The following FAM13A variants were observed in gnomAD, a reference collection of about 807,000 sequenced individuals.
FAM13A encodes the protein family with sequence similarity 13 member A.
In FAM13A, 76 loss-of-function variants were observed where a neutral mutation model predicts 129.6. The ratio of observed to expected loss-of-function variants is 0.59; its 90% CI spans 0.49 to 0.71. The LOEUF (loss-of-function observed/expected upper bound fraction) is 0.71, where lower values mean the gene tolerates loss of function less well. FAM13A is among the 30% of genes least tolerant of loss of function. The pLI is 0.00. For synonymous variants in FAM13A, 443 were observed against 449.9 expected (o/e 0.98, Z 0.20); for missense variants, 1,108 against 1,249.3 (o/e 0.89, Z 1.70).
chr4:88,781,412 T>TCTAA, intron 10 of FAM13A, 61 bp from the exon 11 acceptor site: 1 of 1,167,748 alleles, frequency 8.6e-7, no homozygotes, highest in East Asian at 2.4e-5. Context: ...TGAATGATAC[T>TCTAA]CTAACTACAT....
At chr4:88,784,778 A>G (rs1049001446) in intron 10 of FAM13A, among the ~76,000 whole-genome samples, 2 of 152,130 alleles carry the variant, frequency 1.3e-5, no homozygotes, top group Non-Finnish European at 2.9e-5. Flanking sequence ...TCAAACATAT[A>G]CAGAAGTAGA....
intron 3 of FAM13A, among the ~76,000 whole-genome samples, chr4:89,019,850 A>C (rs181429977): frequency 2.0e-5 from 3 of 152,272 alleles, no homozygotes; most frequent in East Asian, 3.9e-4. Flanking sequence ...CGAAATGAAC[A>C]AAATTATTTT....
intron 14 of FAM13A, chr4:88,753,702 A>T (rs1330282038): frequency 1.8e-5 from 11 of 619,546 alleles, no homozygotes; most frequent in Non-Finnish European, 2.2e-5. Flanking sequence ...ATAAAATGAC[A>T]TGTAATACAC....
At chr4:88,914,997 T>A (rs959898571) in intron 5 of FAM13A, among the ~76,000 whole-genome samples, 2 of 152,162 alleles carry the variant, frequency 1.3e-5, no homozygotes, top group Non-Finnish European at 2.9e-5. Context: ...TGTGCTGGGG[T>A]CAAACTCACA....
chr4:88,920,514 T>C lies in FAM13A; in HGVS notation c.760-14052A>G, dbSNP rs370859663. Among the ~76,000 whole-genome samples the C allele has an allele frequency of 2.3e-3, 347 of 151,654 alleles. 3 individuals carry two copies. The highest frequency in any genetic ancestry group is 3.6e-3 in the Non-Finnish European group (245 of 67,910). On this transcript the variant is annotated intron_variant, in intron 5 of 23. Coordinates refer to ENST00000264344, the MANE Select transcript of FAM13A (RefSeq NM_014883.4). ...TCCTGTCTGTTAGAAGGAAAACTAA[T>C]AAACAGAAAGGACATCCACACCAAA...
rs752723584 is a variant in FAM13A at position 88,747,033 on chromosome 4, T to C, written c.2383-18A>G. 86 of 1,526,714 alleles carry C rather than the reference T, an allele frequency of 5.6e-5. No homozygotes were observed. The highest frequency in any genetic ancestry group is 7.3e-5 in the Non-Finnish European group (81 of 1,102,702). 94.6% of individuals were successfully genotyped at this position (1,526,714 alleles called of 1,614,324 possible). Reference sequence around the variant, plus strand: ...GTCATATCCTGTATAAACACAGGGATAGAGAATTGAAAGAGAGGAAAATGT... The same window carrying C: ...GTCATATCCTGTATAAACACAGGGACAGAGAATTGAAAGAGAGGAAAATGT... On this transcript the variant is annotated intron_variant, in intron 18 of 23. Transcript: ENST00000264344.
At chr4:88,993,203 T>C (rs919659163) in intron 3 of FAM13A, among the ~76,000 whole-genome samples, 12 of 152,322 alleles carry the variant, frequency 7.9e-5, no homozygotes, top group African/African-American at 2.6e-4. Flanking sequence ...ATATATAAGA[T>C]AATGAAATAA....
chr4:88,758,843 T>C lies in FAM13A; in HGVS notation c.1637A>G (p.Asn546Ser), dbSNP rs1363711713. 1 of 1,614,026 alleles carries C rather than the reference T, an allele frequency of 6.2e-7. No homozygotes were observed. Among genetic ancestry groups the C allele is most frequent in the Non-Finnish European group, 8.5e-7 (1 of 1,179,920 alleles). The change falls in exon 14 of 24, where the codon AAT becomes AGT. Residue 546 changes from asparagine (N) to serine (S), a missense_variant. By Grantham distance (46) the Asn-to-Ser change is conservative. Around this residue, in one of 3 missense-constraint regions of FAM13A, gnomAD observed 529 missense variants for 621.2 expected, o/e 0.85. Coordinates refer to ENST00000264344, the MANE Select transcript of FAM13A (RefSeq NM_014883.4). The part of the protein sequence containing the change: ...PSLSDTKQQR[N>S]QDAGDQEESF... ...CTCCTCCTGGTCACCGGCATCTTGA[T>C]TTCTCTGCTGTTTGGTGTCAGATAG...
chr4:88,833,256 G>T (rs894851020), intron 7 of FAM13A, among the ~76,000 whole-genome samples: 4 of 152,104 alleles, frequency 2.6e-5, no homozygotes, highest in African/African-American at 9.7e-5. Flanking sequence ...AGGAAAAACA[G>T]CTAATGCACA....
chr4:88,967,601 A>C (rs953929979), intron 4 of FAM13A, among the ~76,000 whole-genome samples: 2 of 152,174 alleles, frequency 1.3e-5, no homozygotes, highest in African/African-American at 4.8e-5. Context: ...GCTTAAGGAG[A>C]GTAGCCTTAT....
intron 4 of FAM13A, among the ~76,000 whole-genome samples, chr4:88,970,063 A>T (rs1759866658): frequency 6.6e-6 from 1 of 152,240 alleles, no homozygotes; most frequent in Non-Finnish European, 1.5e-5. Context: ...AGTGCTGGTC[A>T]TAGAGAAGGC....
At chr4:88,809,277 C>T (rs1578760951) in intron 7 of FAM13A, among the ~76,000 whole-genome samples, 2 of 152,274 alleles carry the variant, frequency 1.3e-5, no homozygotes, top group African/African-American at 4.8e-5. Context: ...CCATTCCATT[C>T]CCTTTTTAAC....
At position 88,955,524 on chromosome 4, in the gene FAM13A, A is replaced by G. The variant is rs543431658; in HGVS notation, c.606-17283T>C. On this transcript the variant is annotated intron_variant, in intron 4 of 23. Transcript: ENST00000264344. The stretch of plus-strand genomic sequence containing the variant: ...GCGCTGCTGTAAAGATACCCAAAAA[A>G]TGTGAATGTGACTTTGGAATTGGTA... Among the ~76,000 whole-genome samples, 7 of 152,308 alleles carry G rather than the reference A, an allele frequency of 4.6e-5. No individual in the cohort carries two copies. The East Asian group carries it at 1.3e-3, about 29-fold the overall frequency.
In FAM13A at chr4:88,750,510, A is replaced by G. The variant is rs1247928137; in HGVS notation, c.1854T>C (p.Pro618=). The G allele has an allele frequency of 6.2e-7, 1 of 1,614,140 alleles. No individual in the cohort carries two copies. Among genetic ancestry groups the G allele is most frequent in the East Asian group, 2.2e-5 (1 of 44,878 alleles). ...TGCTCTGCCCATAAGCGTAGAACCG[A>G]GGAGAGAGCATGGGGTCGCTGTCTT... ...LDEDSDPMLS[P]RFYAYGQSRQ... The change falls in exon 15 of 24, where the codon CCT becomes CCC. Residue 618 remains proline (P), a synonymous_variant. Transcript: ENST00000264344.
chr4:88,879,962 A>G (rs977858847), intron 6 of FAM13A, among the ~76,000 whole-genome samples: 1 of 152,236 alleles, frequency 6.6e-6, no homozygotes, highest in Non-Finnish European at 1.5e-5. Context: ...GCATTTAATG[A>G]AGTAATATGA....
intron 7 of FAM13A, among the ~76,000 whole-genome samples, chr4:88,832,637 C>CA (rs574983813): frequency 2.6e-4 from 39 of 152,230 alleles, no homozygotes; most frequent in Non-Finnish European, 1.5e-4. Context: ...AAAAGCTCAA[C>CA]AGCACTCATC....
intron 3 of FAM13A, among the ~76,000 whole-genome samples, chr4:89,018,789 T>G (rs185394609): frequency 6.6e-6 from 1 of 152,310 alleles, no homozygotes; most frequent in South Asian, 2.1e-4. Context: ...CTTGGGTAGT[T>G]TGAAGAGTCT....
rs115603718 is a variant in FAM13A at position 88,772,025 on chromosome 4, C to A, written c.1459-3966G>T. Among the ~76,000 whole-genome samples the A allele has an allele frequency of 3.3e-3, 496 of 152,282 alleles. 4 individuals carry two copies. The highest frequency in any genetic ancestry group is 0.011 in the African/African-American group (473 of 41,570). On this transcript the variant is annotated intron_variant, in intron 11 of 23. Coordinates refer to ENST00000264344, the MANE Select transcript of FAM13A (RefSeq NM_014883.4). ...AAAGCTAGGCTCAAAACCTGTTTGA[C>A]CACTGACTGAAGCACTTAAAAACCC...
intron 4 of FAM13A, among the ~76,000 whole-genome samples, chr4:88,983,827 T>C (rs1468267559): frequency 6.6e-6 from 1 of 152,108 alleles, no homozygotes; most frequent in African/African-American, 2.4e-5. Flanking sequence ...AGAAATACAA[T>C]GAACCTAGAC....
Sources: gnomAD v4.1 joint callset for allele counts (sites outside exome capture counted in the v4.1 genomes callset) on GRCh38, gnomAD v4.1.1 for gene constraint, gnomAD v4.1.1 regional missense constraint, MANE v1.5 for transcripts, NCBI Gene and HGNC (gene_info 2026-07-23, HGNC 2026-07-21) for gene names.